WIPF3: variants seen among roughly 807,000 people sequenced by gnomAD.
WIPF3 encodes WAS/WASL interacting protein family member 3.
Under a neutral mutation model 38.9 loss-of-function variants are expected in WIPF3, and 33 were observed. The observed-to-expected ratio is 0.85, with a 90% CI of 0.64 to 1.14. The LOEUF (loss-of-function observed/expected upper bound fraction) is 1.14. Among genes scored for constraint, WIPF3 ranks in the 50% most tolerant of loss-of-function variants. The pLI, the probability that WIPF3 is intolerant of heterozygous loss-of-function variation, is 0.00. For synonymous variants in WIPF3, 324 were observed against 269.3 expected (o/e 1.20, Z -1.99); for missense variants, 711 against 652.5 (o/e 1.09, Z -0.98).
chr7:29,899,785 T>C (rs983707426), intron 7 of WIPF3, among the ~76,000 whole-genome samples: 1 of 150,530 alleles, frequency 6.6e-6, no homozygotes, highest in African/African-American at 2.5e-5. Flanking sequence ...TACCAAAAAA[T>C]GTATACAAAA....
chr7:29,848,714 A>G (rs1479779994), intron 2 of WIPF3, among the ~76,000 whole-genome samples: 4 of 152,214 alleles, frequency 2.6e-5, no homozygotes, highest in Non-Finnish European at 4.4e-5. Flanking sequence ...TTCTATAGCT[A>G]TATACTGAAA....
chr7:29,827,566 G>C (rs1246886154), intron 1 of WIPF3, among the ~76,000 whole-genome samples: 1 of 152,140 alleles, frequency 6.6e-6, no homozygotes, highest in Non-Finnish European at 1.5e-5. Context: ...GACGCTTAGA[G>C]GTGGCAGGAC....
At chr7:29,865,606 G>T (rs892121590) in intron 2 of WIPF3, among the ~76,000 whole-genome samples, 4 of 152,292 alleles carry the variant, frequency 2.6e-5, no homozygotes, top group South Asian at 2.1e-4. Context: ...CCTAGAACTG[G>T]AGTGAGGCCG....
At position 29,915,174 on chromosome 7, in the gene WIPF3, G is replaced by T. The variant is rs954244825; in HGVS notation, c.*658G>T. Reference sequence around the variant, plus strand: ...CTTGGCCCTCCGATGCCAACCACAGGGCCCCTTTTGTAACTGAATAATCCT... The same window carrying T: ...CTTGGCCCTCCGATGCCAACCACAGTGCCCCTTTTGTAACTGAATAATCCT... On this transcript the variant is annotated 3_prime_UTR_variant, in exon 9 of 9. Transcript: ENST00000242140. The T allele has an allele frequency of 6.9e-6, 1 of 144,904 alleles. No homozygotes were observed. Among genetic ancestry groups the T allele is most frequent in the Non-Finnish European group, 1.5e-5 (1 of 67,004 alleles). The allele number at this position is 144,904 out of a possible 1,614,324, so 9.0% of individuals were successfully genotyped here. A position where few individuals can be genotyped will look rare whatever the true frequency, so the allele number is the denominator to read the frequency against.
At chr7:29,834,092 G>A (rs1784761783) in intron 1 of WIPF3, among the ~76,000 whole-genome samples, 1 of 152,164 alleles carries the variant, frequency 6.6e-6, no homozygotes, top group Non-Finnish European at 1.5e-5. Flanking sequence ...CATCCAGATG[G>A]CTGGGTAGAA....
intron 8 of WIPF3, among the ~76,000 whole-genome samples, chr7:29,908,311 C>G (rs377155637): frequency 1.3e-5 from 2 of 152,168 alleles, no homozygotes; most frequent in Non-Finnish European, 2.9e-5. Flanking sequence ...ATAACAATTA[C>G]AGATATTAGT....
At chr7:29,819,822 T>C (rs1445309291) in intron 1 of WIPF3, among the ~76,000 whole-genome samples, 1 of 152,062 alleles carries the variant, frequency 6.6e-6, no homozygotes, top group African/African-American at 2.4e-5. Flanking sequence ...TTTTAAAGTT[T>C]TCTTTGTATT....
At chr7:29,892,660 AC>A (rs2128078307) in intron 7 of WIPF3, among the ~76,000 whole-genome samples, 1 of 152,244 alleles carries the variant, frequency 6.6e-6, no homozygotes, top group African/African-American at 2.4e-5. Context: ...GGAATTTTGA[AC>A]CCACACCTGT....
chr7:29,810,245 A>G (rs1245424996), intron 1 of WIPF3, among the ~76,000 whole-genome samples: 1 of 152,210 alleles, frequency 6.6e-6, no homozygotes, highest in African/African-American at 2.4e-5. Context: ...TCTCAGAATG[A>G]TCATGTTGCA....
In WIPF3 at chr7:29,823,390, A is replaced by G. The variant is rs1268924161; in HGVS notation, c.-57-11278A>G. Among the ~76,000 whole-genome samples, 1 of 152,150 alleles carries G rather than the reference A, an allele frequency of 6.6e-6. No homozygotes were observed. Among genetic ancestry groups the G allele is most frequent in the Non-Finnish European group, 1.5e-5 (1 of 68,016 alleles). On this transcript the variant is annotated intron_variant, in intron 1 of 8. Transcript: ENST00000242140. This position sits in a 1 kb window ranked among gnomAD's most constrained non-coding sequence, Gnocchi z 4.0. ...AACATTCAGAATATATTTTATTCCC[A>G]CGCCGATAATGAGGTCTACCATTGG...
At position 29,915,162 on chromosome 7, in the gene WIPF3, T is replaced by C. The variant is rs574167277; in HGVS notation, c.*646T>C. Reference sequence around the variant, plus strand: ...GGCAAGAGTGGGCTTGGCCCTCCGATGCCAACCACAGGGCCCCTTTTGTAA... The same window carrying C: ...GGCAAGAGTGGGCTTGGCCCTCCGACGCCAACCACAGGGCCCCTTTTGTAA... On this transcript the variant is annotated 3_prime_UTR_variant, in exon 9 of 9. Transcript: ENST00000242140. The C allele has an allele frequency of 7.2e-5, 10 of 139,512 alleles. No individual in the cohort carries two copies. Among genetic ancestry groups the C allele is most frequent in the African/African-American group, 2.7e-4 (10 of 37,262 alleles). 8.6% of individuals were successfully genotyped at this position (139,512 alleles called of 1,614,324 possible).
At chr7:29,887,421 A>G (rs1181226446) in intron 5 of WIPF3, among the ~76,000 whole-genome samples, 3 of 152,246 alleles carry the variant, frequency 2.0e-5, no homozygotes, top group African/African-American at 4.8e-5. Context: ...CAGATGAACC[A>G]TACAGGAAAG....
chr7:29,858,236 A>G (rs919270260), intron 2 of WIPF3, among the ~76,000 whole-genome samples: 1 of 152,228 alleles, frequency 6.6e-6, no homozygotes, highest in Admixed American at 6.5e-5. Flanking sequence ...TATTTCTCAG[A>G]GTCTTGTGAC....
Position 29,839,933 on chromosome 7 carries a change from T to G in WIPF3, c.90+5119T>G, listed in dbSNP as rs1030091670. 9.6e-4 allele frequency among the ~76,000 whole-genome samples: 146 copies of G among 152,346 alleles called. 1 individual carries two copies. Among genetic ancestry groups the G allele is most frequent in the East Asian group, 9.6e-4 (5 of 5,182 alleles). The stretch of plus-strand genomic sequence containing the variant: ...TTGAATTTTAAAAATTTTACTCAAT[T>G]ATTATTACTATGTTCTGAGTTCTGT... On this transcript the variant is annotated intron_variant, in intron 2 of 8. Transcript: ENST00000242140.
At chr7:29,817,945 G>A (rs1376233142) in intron 1 of WIPF3, among the ~76,000 whole-genome samples, 8 of 151,972 alleles carry the variant, frequency 5.3e-5, no homozygotes, top group Non-Finnish European at 1.0e-4. Context: ...GTTTTTCCAC[G>A]TCTTCACTGT....
chr7:29,897,606 G>T (rs764418060), intron 7 of WIPF3, among the ~76,000 whole-genome samples: 4 of 152,026 alleles, frequency 2.6e-5, no homozygotes, highest in Non-Finnish European at 4.4e-5. Flanking sequence ...GTAAAAACAC[G>T]CACCGTTATT....
chr7:29,827,078 G>A (rs1784627045), intron 1 of WIPF3, among the ~76,000 whole-genome samples: 1 of 152,202 alleles, frequency 6.6e-6, no homozygotes, highest in African/African-American at 2.4e-5. Context: ...TAAGGGCTGT[G>A]TCAGGGCTAA....
intron 2 of WIPF3, among the ~76,000 whole-genome samples, chr7:29,855,576 C>G (rs1294911386): frequency 6.6e-6 from 1 of 152,202 alleles, no homozygotes; most frequent in African/African-American, 2.4e-5. Context: ...CAGCTGTTGG[C>G]TCCCTTTTGG....
intron 2 of WIPF3, among the ~76,000 whole-genome samples, chr7:29,871,244 G>A (rs1785491775): frequency 1.3e-5 from 2 of 152,184 alleles, no homozygotes; most frequent in Non-Finnish European, 1.5e-5. Context: ...ACAGTAGAAG[G>A]GAGACATTGC....
Sources: gnomAD v4.1 joint callset for allele counts (sites outside exome capture counted in the v4.1 genomes callset) on GRCh38, gnomAD v4.1.1 for gene constraint, Gnocchi (gnomAD v3.1) non-coding constraint, MANE v1.5 for transcripts, NCBI Gene and HGNC (gene_info 2026-07-23, HGNC 2026-07-21) for gene names.